GSE1: variants seen among roughly 807,000 people sequenced by gnomAD.
GSE1 encodes genetic suppressor element 1.
In GSE1, 32 loss-of-function variants were observed where a neutral mutation model predicts 112.6. That is an observed-to-expected ratio of 0.28 (90% CI 0.21 to 0.38). The LOEUF is 0.38. GSE1 is among the 10% of genes least tolerant of loss of function. The probability of loss-of-function intolerance (pLI) is 1.00; values close to 1 mark genes in which losing one functional copy is unlikely to be tolerated. For synonymous variants in GSE1, 1,115 were observed against 735.6 expected (o/e 1.52, Z -8.35); for missense variants, 2,348 against 1,699.2 (o/e 1.38, Z -6.71).
intron 1 of GSE1, among the ~76,000 whole-genome samples, chr16:85,614,493 A>T (rs1044954109): frequency 1.3e-5 from 2 of 152,014 alleles, no homozygotes; most frequent in Non-Finnish European, 2.9e-5. Context: ...CTCGAGGCGC[A>T]GGCCATAGGG....
chr16:85,482,977 C>CAAAAAAAAAAAAAAA (rs3054201), intron 2 of GSE1, among the ~76,000 whole-genome samples: 3 of 48,266 alleles, frequency 6.2e-5, no homozygotes, highest in African/African-American at 2.1e-4. Flanking sequence ...GACTCCGTCT[C>CAAAAAAAAAAAAAAA]AAAAAAAAAA....
At chr16:85,446,180 C>T (rs532728726) in intron 2 of GSE1, among the ~76,000 whole-genome samples, 16 of 152,286 alleles carry the variant, frequency 1.1e-4, no homozygotes, top group African/African-American at 3.1e-4. Flanking sequence ...AGCTCTGCGA[C>T]GTCGGGGCCT....
chr16:85,235,637 T>G (rs1904551170), intron 1 of GSE1, among the ~76,000 whole-genome samples: 1 of 149,748 alleles, frequency 6.7e-6, no homozygotes, highest in Non-Finnish European at 1.5e-5. Flanking sequence ...CTCATACTCC[T>G]CGTCCCCCCT....
chr16:85,262,766 G>A (rs1182729040), intron 1 of GSE1, among the ~76,000 whole-genome samples: 1 of 152,232 alleles, frequency 6.6e-6, no homozygotes, highest in Non-Finnish European at 1.5e-5. Context: ...TTGGGTATGG[G>A]AGTGATGCTT....
At chr16:85,649,809 G>A (rs2051183101) in intron 3 of GSE1, among the ~76,000 whole-genome samples, 1 of 152,292 alleles carries the variant, frequency 6.6e-6, no homozygotes, top group South Asian at 2.1e-4. Context: ...CTTGCCTGAA[G>A]CTCCCTCTCC....
intron 2 of GSE1, among the ~76,000 whole-genome samples, chr16:85,645,684 A>T (rs1049403793): frequency 6.6e-6 from 1 of 152,234 alleles, no homozygotes; most frequent in African/African-American, 2.4e-5. Context: ...CTCCGGACAC[A>T]GTGAAGGGGA....
chr16:85,621,830 C>T (rs1411693076), intron 1 of GSE1, among the ~76,000 whole-genome samples: 2 of 152,292 alleles, frequency 1.3e-5, no homozygotes, highest in East Asian at 1.9e-4. Flanking sequence ...GAGGGCGCTC[C>T]GGCCCACCTC....
At chr16:85,614,372 G>A (rs970712215) in intron 1 of GSE1, among the ~76,000 whole-genome samples, 2 of 152,064 alleles carry the variant, frequency 1.3e-5, no homozygotes, top group Non-Finnish European at 2.9e-5. Context: ...CATGGAGGCG[G>A]AGCGGGAGTG....
intron 1 of GSE1, among the ~76,000 whole-genome samples, chr16:85,330,599 C>T (rs1012492707): frequency 8.5e-5 from 13 of 152,248 alleles, no homozygotes; most frequent in African/African-American, 2.4e-4. Flanking sequence ...ACTGCCATGT[C>T]GTCTGCCTCT....
chr16:85,461,431 G>A (rs2049963790), intron 2 of GSE1, among the ~76,000 whole-genome samples: 1 of 152,140 alleles, frequency 6.6e-6, no homozygotes, highest in South Asian at 2.1e-4. Context: ...AAGCCCCCAG[G>A]GAGCTTTAGA....
chr16:85,368,620 G>A (rs1404506630), intron 2 of GSE1, among the ~76,000 whole-genome samples: 2 of 152,112 alleles, frequency 1.3e-5, no homozygotes, highest in Non-Finnish European at 1.5e-5. Flanking sequence ...CTGGAGGATC[G>A]CTTGAGCCCA....
At chr16:85,568,732 C>T (rs1442927244) in intron 1 of GSE1, among the ~76,000 whole-genome samples, 1 of 152,214 alleles carries the variant, frequency 6.6e-6, no homozygotes, top group Non-Finnish European at 1.5e-5. Context: ...TGGTAACTCA[C>T]AGCTCATTAG....
chr16:85,269,064 T>TGCCC (rs2144163807), intron 1 of GSE1, among the ~76,000 whole-genome samples: 1 of 149,496 alleles, frequency 6.7e-6, no homozygotes, highest in Admixed American at 6.6e-5. Context: ...GGGGTGGGCA[T>TGCCC]GCCCTGCATT....
chr16:85,235,463 T>C (rs1202956714), intron 1 of GSE1, among the ~76,000 whole-genome samples: 1 of 148,806 alleles, frequency 6.7e-6, no homozygotes, highest in African/African-American at 2.5e-5. Flanking sequence ...TGTGTGTGTG[T>C]GTGTGTGTAG....
chr16:85,665,807 C>T (rs549049154), intron 12 of GSE1, among the ~76,000 whole-genome samples, 169 bp from the exon 13 acceptor site: 6 of 152,366 alleles, frequency 3.9e-5, no homozygotes, highest in African/African-American at 1.2e-4. Context: ...ACCCCACTGT[C>T]TTCAGAGAAT....
chr16:85,571,206 A>G (rs1399202561), intron 1 of GSE1, among the ~76,000 whole-genome samples: 2 of 151,996 alleles, frequency 1.3e-5, no homozygotes, highest in Non-Finnish European at 1.5e-5. Flanking sequence ...AGTCACGTGC[A>G]CCCTTCCAAG....
chr16:85,448,043 C>T (rs1242760479), intron 2 of GSE1, among the ~76,000 whole-genome samples: 1 of 152,224 alleles, frequency 6.6e-6, no homozygotes, highest in East Asian at 1.9e-4. Flanking sequence ...CGTAGGGCAC[C>T]TGGCAGCCAG....
intron 1 of GSE1, among the ~76,000 whole-genome samples, chr16:85,344,241 G>A (rs1419972811): frequency 6.6e-6 from 1 of 152,196 alleles, no homozygotes; most frequent in Non-Finnish European, 1.5e-5. Flanking sequence ...TACGGTCCCT[G>A]GCTGAGGAGG....
chr16:85,657,988 C>CT lies in GSE1; in HGVS notation c.1640+391dup, dbSNP rs537494623. Among the ~76,000 whole-genome samples, 260 of 152,248 alleles carry CT rather than the reference C, an allele frequency of 1.7e-3. 1 individual carries two copies. The highest frequency in any genetic ancestry group is 6.0e-3 in the African/African-American group (250 of 41,534). Reference sequence around the variant, plus strand: ...TTCCTCTGCTTTTGAGCCTGGACTTCTTTTTTTAACAAGAAGGGGACAGCT... The same window carrying CT: ...TTCCTCTGCTTTTGAGCCTGGACTTCTTTTTTTTAACAAGAAGGGGACAGCT... On this transcript the variant is annotated intron_variant, in intron 8 of 15. Coordinates refer to ENST00000253458, the MANE Select transcript of GSE1 (RefSeq NM_014615.5).
Sources: allele counts gnomAD v4.1 joint callset (sites outside exome capture counted in the v4.1 genomes callset), GRCh38; gene constraint gnomAD v4.1.1; transcripts MANE v1.5; gene names NCBI Gene and HGNC (gene_info 2026-07-23, HGNC 2026-07-21).